Variants in LOC128092252 observed in about 807,000 individuals in gnomAD.
the LOC128092252 span, among the ~76,000 whole-genome samples, chr15:50,669,390 A>C: frequency 6.6e-6 from 1 of 152,124 alleles, no homozygotes; most frequent in African/African-American, 2.4e-5. Flanking sequence ...AGCCGAGGTC[A>C]TGCCAGTGCA....
the LOC128092252 span, among the ~76,000 whole-genome samples, chr15:50,655,135 TA>T: frequency 1.6e-4 from 23 of 141,324 alleles, no homozygotes; most frequent in Admixed American, 5.6e-4. Context: ...AAAAGTTAAT[TA>T]AAAAAAAAAA....
chr15:50,660,525 C>A, the LOC128092252 span, among the ~76,000 whole-genome samples: 11 of 152,102 alleles, frequency 7.2e-5, no homozygotes, highest in African/African-American at 2.7e-4. Flanking sequence ...CGTGGTAGCG[C>A]ATGCCTATAG....
At chr15:50,673,017 A>G in the LOC128092252 span, among the ~76,000 whole-genome samples, 2 of 151,832 alleles carry the variant, frequency 1.3e-5, no homozygotes, top group Non-Finnish European at 2.9e-5. Flanking sequence ...AAAAGTTTTA[A>G]AATGTTTACA....
the LOC128092252 span, among the ~76,000 whole-genome samples, chr15:50,661,418 A>G: frequency 1.9e-3 from 291 of 152,324 alleles, 1 homozygote; most frequent in African/African-American, 6.4e-3. Context: ...ATTAATAATG[A>G]CAGTCTTAAT....
chr15:50,678,258 C>CAA, the LOC128092252 span, among the ~76,000 whole-genome samples: 2 of 111,462 alleles, frequency 1.8e-5, no homozygotes, highest in Non-Finnish European at 4.0e-5. Flanking sequence ...AAAACAAAAA[C>CAA]AAAAACAAAA....
the LOC128092252 span, among the ~76,000 whole-genome samples, chr15:50,656,707 T>A: frequency 3.3e-5 from 5 of 152,038 alleles, no homozygotes; most frequent in Non-Finnish European, 5.9e-5. Context: ...ATAAACCCAT[T>A]CTATGTACTT....
the LOC128092252 span, among the ~76,000 whole-genome samples, chr15:50,652,189 CG>C: frequency 4.6e-5 from 7 of 150,794 alleles, no homozygotes; most frequent in African/African-American, 1.7e-4. Context: ...AAAACTTCAC[CG>C]GGTGTGGTGG....
chr15:50,658,791 T>C, the LOC128092252 span, among the ~76,000 whole-genome samples: 2 of 152,238 alleles, frequency 1.3e-5, no homozygotes, highest in South Asian at 2.1e-4. Context: ...GGTCGTTGAC[T>C]GCAGAATTTT....
At chr15:50,659,426 C>CA in the LOC128092252 span, among the ~76,000 whole-genome samples, 1 of 152,130 alleles carries the variant, frequency 6.6e-6, no homozygotes, top group Non-Finnish European at 1.5e-5. Context: ...TCACTTACAG[C>CA]ATTTGGTACC....
the LOC128092252 span, among the ~76,000 whole-genome samples, chr15:50,658,653 T>C: frequency 6.6e-6 from 1 of 151,390 alleles, no homozygotes; most frequent in Non-Finnish European, 1.5e-5. Context: ...ATTTATATAA[T>C]CCCTATGGAA....
the LOC128092252 span, chr15:50,663,039 T>C: frequency 1.2e-6 from 2 of 1,612,904 alleles, no homozygotes; most frequent in East Asian, 4.5e-5. Context: ...TATCCAGGAT[T>C]TCTGGGACTA....
At chr15:50,658,975 G>C in the LOC128092252 span, among the ~76,000 whole-genome samples, 53,133 of 152,010 alleles carry the variant, frequency 0.35, 10,490 homozygotes, top group Admixed American at 0.48. Context: ...GAGGCGGGAG[G>C]ATCACGAGGT....
At chr15:50,654,340 G>A in the LOC128092252 span, among the ~76,000 whole-genome samples, 7 of 151,164 alleles carry the variant, frequency 4.6e-5, no homozygotes, top group African/African-American at 1.5e-4. Context: ...CCAGCTACTC[G>A]GGAGGCTAAG....
chr15:50,684,466 C>T, the LOC128092252 span, among the ~76,000 whole-genome samples: 1 of 151,962 alleles, frequency 6.6e-6, no homozygotes, highest in East Asian at 1.9e-4. Context: ...TATGACGAAA[C>T]CCCATCTCCA....
chr15:50,683,543 T>C, the LOC128092252 span, among the ~76,000 whole-genome samples: 1 of 151,918 alleles, frequency 6.6e-6, no homozygotes, highest in African/African-American at 2.4e-5. Context: ...GAGACCAGCC[T>C]GGCCAACATG....
chr15:50,665,756 A>T, the LOC128092252 span, among the ~76,000 whole-genome samples: 33 of 152,284 alleles, frequency 2.2e-4, no homozygotes, highest in Middle Eastern at 6.8e-3. Flanking sequence ...GCACTTTGGG[A>T]GGCCGAGGTG....
At chr15:50,678,881 A>T in the LOC128092252 span, among the ~76,000 whole-genome samples, 1 of 152,098 alleles carries the variant, frequency 6.6e-6, no homozygotes, top group Admixed American at 6.6e-5. Flanking sequence ...AACAAAAAAA[A>T]AAATTTTTTT....
At chr15:50,656,011 A>G in the LOC128092252 span, among the ~76,000 whole-genome samples, 6 of 41,620 alleles carry the variant, frequency 1.4e-4, no homozygotes, top group Admixed American at 2.1e-3. Flanking sequence ...GAAAAAAACA[A>G]AAAAAAAAAA....
the LOC128092252 span, among the ~76,000 whole-genome samples, chr15:50,655,047 A>AGCAAAAT: frequency 8.2e-6 from 1 of 122,290 alleles, no homozygotes; most frequent in African/African-American, 2.9e-5. Context: ...TGGACAAAAC[A>AGCAAAAT]GCAAAATGGA....
Sources: gnomAD v4.1 joint callset for allele counts (sites outside exome capture counted in the v4.1 genomes callset) on GRCh38, gnomAD v4.1.1 for gene constraint, MANE v1.5 for transcripts.